ARHGEF33: variants seen among roughly 807,000 people sequenced by gnomAD.
The protein encoded by ARHGEF33 is DH and coiled-coil domain-containing protein ENSP00000381780.
ARHGEF33 carries 72 observed loss-of-function variants against 101.9 expected under a neutral mutation model. The observed-to-expected ratio is 0.71, with a 90% CI of 0.58 to 0.86. ARHGEF33 has a LOEUF of 0.86. Ranked by LOEUF, ARHGEF33 falls within the 40% of genes least tolerant of loss-of-function variation. The probability of loss-of-function intolerance (pLI) is 0.00; values close to 1 mark genes in which losing one functional copy is unlikely to be tolerated. For synonymous variants in ARHGEF33, 499 were observed against 442.5 expected (o/e 1.13, Z -1.60); for missense variants, 1,169 against 1,111.3 (o/e 1.05, Z -0.74).
chr2:38,920,955 T>C (rs867166017), intron 3 of ARHGEF33, among the ~76,000 whole-genome samples: 11 of 152,178 alleles, frequency 7.2e-5, no homozygotes, highest in African/African-American at 2.4e-4. Flanking sequence ...GGATATTTTA[T>C]GCAAGCTCGC....
At chr2:38,945,936 C>T (rs1257324323) in intron 10 of ARHGEF33, among the ~76,000 whole-genome samples, 5 of 152,148 alleles carry the variant, frequency 3.3e-5, no homozygotes, top group Non-Finnish European at 5.9e-5. Flanking sequence ...GCAAGCCTGC[C>T]GGACCCTGTA....
At chr2:38,908,215 T>C (rs771748640) in intron 2 of ARHGEF33, among the ~76,000 whole-genome samples, 1 of 151,916 alleles carries the variant, frequency 6.6e-6, no homozygotes, top group Non-Finnish European at 1.5e-5. Flanking sequence ...AGAGAATCTG[T>C]TTGAAAGATT....
intron 2 of ARHGEF33, among the ~76,000 whole-genome samples, chr2:38,899,172 G>A (rs1328590486): frequency 6.6e-6 from 1 of 152,040 alleles, no homozygotes; most frequent in East Asian, 1.9e-4. Context: ...ACTGTGAATA[G>A]TTCCCATGTC....
chr2:38,916,910 C>T (rs1171348437), intron 2 of ARHGEF33, among the ~76,000 whole-genome samples: 2 of 151,596 alleles, frequency 1.3e-5, no homozygotes, highest in Non-Finnish European at 2.9e-5. Context: ...AAGTGATTCT[C>T]TTGCCTCAGC....
chr2:38,920,398 CTTTTTTTT>C (rs61429948), intron 3 of ARHGEF33, among the ~76,000 whole-genome samples: 37 of 77,822 alleles, frequency 4.8e-4, no homozygotes, highest in Admixed American at 6.7e-4. Context: ...TCTTTCTTTC[CTTTTTTTT>C]TTTTTTTTTT....
chr2:38,964,508 C>T (rs1668011611), intron 16 of ARHGEF33, among the ~76,000 whole-genome samples: 2 of 151,388 alleles, frequency 1.3e-5, no homozygotes, highest in South Asian at 4.2e-4. Context: ...ATCATTGTCT[C>T]AGCTCCACCT....
In ARHGEF33 at chr2:38,933,996, T is replaced by C. The variant is rs114628772; in HGVS notation, c.506-1779T>C. Among the ~76,000 whole-genome samples the C allele has an allele frequency of 8.3e-3, 1,261 of 152,298 alleles. 22 individuals carry two copies. The highest frequency in any genetic ancestry group is 0.028 in the African/African-American group (1,184 of 41,556). On this transcript the variant is annotated intron_variant, in intron 7 of 17. Coordinates refer to ENST00000409978, the MANE Select transcript of ARHGEF33 (RefSeq NM_001145451.5). ...CTTACCTTTAGGTTCCTTTCCCCACTCAAGAAACTCTCAAGATGTTTAGCC... is the reference window on the plus strand; with the variant it reads ...CTTACCTTTAGGTTCCTTTCCCCACCCAAGAAACTCTCAAGATGTTTAGCC...
At chr2:38,929,641 G>A in intron 5 of ARHGEF33, 68 bp from the exon 6 acceptor site, 4 of 1,307,226 alleles carry the variant, frequency 3.1e-6, no homozygotes, top group Non-Finnish European at 4.2e-6. Flanking sequence ...AGTGTACAGT[G>A]TGCTAGATTA....
At chr2:38,943,218 A>G (rs1209331164) in intron 9 of ARHGEF33, among the ~76,000 whole-genome samples, 1 of 152,152 alleles carries the variant, frequency 6.6e-6, no homozygotes, top group Admixed American at 6.5e-5. Context: ...ATGAGCCACC[A>G]TGTCCGGCTG....
chr2:38,940,344 G>C (rs2124397388), intron 9 of ARHGEF33, among the ~76,000 whole-genome samples: 1 of 151,864 alleles, frequency 6.6e-6, no homozygotes, highest in Non-Finnish European at 1.5e-5. Flanking sequence ...GCCCAAGCTG[G>C]CCTCAACATC....
intron 2 of ARHGEF33, among the ~76,000 whole-genome samples, chr2:38,904,869 A>G (rs1244315620): frequency 1.3e-5 from 2 of 152,206 alleles, no homozygotes; most frequent in African/African-American, 4.8e-5. Flanking sequence ...ACGTTTAGGC[A>G]TGAAGCAGTC....
intron 2 of ARHGEF33, among the ~76,000 whole-genome samples, chr2:38,913,287 T>C (rs998580086): frequency 1.3e-5 from 2 of 152,196 alleles, no homozygotes; most frequent in African/African-American, 4.8e-5. Context: ...TTTGAAGAAA[T>C]TGAAAAGGCC....
intron 7 of ARHGEF33, among the ~76,000 whole-genome samples, chr2:38,933,538 C>T (rs1667060357): frequency 6.6e-6 from 1 of 152,162 alleles, no homozygotes; most frequent in Non-Finnish European, 1.5e-5. Context: ...CACCCGCCAC[C>T]ATGCCTTGCT....
intron 16 of ARHGEF33, among the ~76,000 whole-genome samples, chr2:38,962,549 A>G (rs1482293099): frequency 6.6e-6 from 1 of 152,180 alleles, no homozygotes; most frequent in African/African-American, 2.4e-5. Context: ...ATCTCCTAAC[A>G]GTGTAAGACA....
intron 2 of ARHGEF33, among the ~76,000 whole-genome samples, chr2:38,902,245 G>A (rs919031174): frequency 6.6e-6 from 1 of 152,116 alleles, no homozygotes; most frequent in African/African-American, 2.4e-5. Context: ...AATCTCTCAA[G>A]ATTCAAAGGA....
At chr2:38,944,437 A>T (rs1342253981) in intron 10 of ARHGEF33, among the ~76,000 whole-genome samples, 1 of 152,152 alleles carries the variant, frequency 6.6e-6, no homozygotes, top group Non-Finnish European at 1.5e-5. Flanking sequence ...TAATCCATTC[A>T]TAGTGCGGAG....
chr2:38,904,890 C>G (rs1666353998), intron 2 of ARHGEF33, among the ~76,000 whole-genome samples: 1 of 151,968 alleles, frequency 6.6e-6, no homozygotes, highest in Non-Finnish European at 1.5e-5. Context: ...AGGGCTGATC[C>G]AAAGAGGCGA....
At chr2:38,893,176 T>G (rs1457245881) in intron 1 of ARHGEF33, among the ~76,000 whole-genome samples, 1 of 151,894 alleles carries the variant, frequency 6.6e-6, no homozygotes, top group Non-Finnish European at 1.5e-5. Context: ...TTTTTTTTCT[T>G]TTTTTGAGAC....
chr2:38,912,163 G>A (rs1315765011), intron 2 of ARHGEF33, among the ~76,000 whole-genome samples: 2 of 152,234 alleles, frequency 1.3e-5, no homozygotes, highest in African/African-American at 2.4e-5. Context: ...TGTTTTTAGA[G>A]GTTAGCACTG....
Sources: gnomAD v4.1 joint callset for allele counts (sites outside exome capture counted in the v4.1 genomes callset) on GRCh38, gnomAD v4.1.1 for gene constraint, MANE v1.5 for transcripts, NCBI Gene and HGNC (gene_info 2026-07-23, HGNC 2026-07-21) for gene names.